Variants in HS3ST2 observed in about 807,000 individuals in gnomAD.
HS3ST2 encodes heparan sulfate-glucosamine 3-sulfotransferase 2.
HS3ST2 carries 17 observed loss-of-function variants against 26.3 expected under a neutral mutation model. The observed-to-expected ratio is 0.65, with a 90% CI of 0.44 to 0.97. The LOEUF (loss-of-function observed/expected upper bound fraction) is 0.97. Among genes scored for constraint, HS3ST2 ranks in the 50% least tolerant of loss-of-function variants. The pLI, the probability that HS3ST2 is intolerant of heterozygous loss-of-function variation, is 0.00. For missense variants in HS3ST2, 402 were observed against 501.2 expected (o/e 0.80, Z 1.89); for synonymous variants, 237 against 219.2 (o/e 1.08, Z -0.72).
intron 1 of HS3ST2, among the ~76,000 whole-genome samples, chr16:22,815,469 T>G (rs1900850897): frequency 6.6e-6 from 1 of 152,172 alleles, no homozygotes; most frequent in Non-Finnish European, 1.5e-5. Context: ...CTGTAGGTCT[T>G]TGCTGGTACC....
chr16:22,822,652 G>T (rs1901011999), intron 1 of HS3ST2, among the ~76,000 whole-genome samples: 1 of 152,080 alleles, frequency 6.6e-6, no homozygotes, highest in Non-Finnish European at 1.5e-5. Flanking sequence ...TCAGGAGTTT[G>T]AGACCAGCCT....
At chr16:22,855,884 T>C (rs1434218750) in intron 1 of HS3ST2, among the ~76,000 whole-genome samples, 1 of 152,166 alleles carries the variant, frequency 6.6e-6, no homozygotes, top group Admixed American at 6.5e-5. Flanking sequence ...TTGGCTCTGA[T>C]TGGGTCACCT....
Position 22,915,742 on chromosome 16 carries a change from A to G in HS3ST2, c.*180A>G. 1.5e-6 allele frequency: 1 copy of G among 647,898 alleles called. No individual in the cohort carries two copies. The highest frequency in any genetic ancestry group is 2.8e-5 in the East Asian group (1 of 36,092). The allele number at this position is 647,898 out of a possible 1,614,324, so 40.1% of individuals were successfully genotyped here. On this transcript the variant is annotated 3_prime_UTR_variant, in exon 2 of 2. Transcript: ENST00000261374. ...GCCAAGAGACCAGAGAGTCCCTGCCACTAGTTTTCATCAGTCTGTTCAAGC... is the reference window on the plus strand; with the variant it reads ...GCCAAGAGACCAGAGAGTCCCTGCCGCTAGTTTTCATCAGTCTGTTCAAGC...
chr16:22,866,362 T>G (rs1901750820), intron 1 of HS3ST2, among the ~76,000 whole-genome samples: 2 of 120,134 alleles, frequency 1.7e-5, no homozygotes, highest in African/African-American at 6.4e-5. Context: ...TTTGACAATA[T>G]GGTGTGCGTG....
At chr16:22,910,785 T>C (rs1902415743) in intron 1 of HS3ST2, among the ~76,000 whole-genome samples, 1 of 152,132 alleles carries the variant, frequency 6.6e-6, no homozygotes, top group Non-Finnish European at 1.5e-5. Context: ...TGGGTGGGTT[T>C]GCAGGAAAGG....
chr16:22,831,846 G>A (rs1045697944), intron 1 of HS3ST2, among the ~76,000 whole-genome samples: 2 of 152,160 alleles, frequency 1.3e-5, no homozygotes, highest in African/African-American at 2.4e-5. Flanking sequence ...TGGGTGCTCT[G>A]TAGGGACACC....
intron 1 of HS3ST2, among the ~76,000 whole-genome samples, chr16:22,896,189 C>T (rs1235317105): frequency 2.0e-5 from 3 of 152,158 alleles, no homozygotes; most frequent in Non-Finnish European, 4.4e-5. Context: ...TGTTTAACCC[C>T]ATCACTGTCC....
At chr16:22,849,074 T>C (rs1326844450) in intron 1 of HS3ST2, among the ~76,000 whole-genome samples, 3 of 152,196 alleles carry the variant, frequency 2.0e-5, no homozygotes, top group Admixed American at 6.5e-5. Flanking sequence ...GCCTTGTTTT[T>C]CGCATCTAAG....
intron 1 of HS3ST2, among the ~76,000 whole-genome samples, chr16:22,845,949 C>T (rs1901425138): frequency 6.6e-6 from 1 of 152,178 alleles, no homozygotes; most frequent in Non-Finnish European, 1.5e-5. Context: ...CAGCATTAAG[C>T]CAAGAGGCCC....
intron 1 of HS3ST2, among the ~76,000 whole-genome samples, chr16:22,885,848 C>T (rs986884479): frequency 4.6e-5 from 7 of 152,086 alleles, no homozygotes; most frequent in Non-Finnish European, 8.8e-5. Context: ...CCCGGTCCAC[C>T]CACTGTGGTC....
chr16:22,886,986 A>G (rs1902069258), intron 1 of HS3ST2, among the ~76,000 whole-genome samples: 1 of 152,146 alleles, frequency 6.6e-6, no homozygotes, highest in Non-Finnish European at 1.5e-5. Context: ...TCCTGACCTC[A>G]AGTGATCCTC....
intron 1 of HS3ST2, among the ~76,000 whole-genome samples, chr16:22,876,857 T>C (rs972193403): frequency 1.3e-5 from 2 of 152,162 alleles, no homozygotes; most frequent in African/African-American, 2.4e-5. Context: ...AAGGCCATTA[T>C]TCTAAATGAA....
chr16:22,905,424 G>T (rs1328814423), intron 1 of HS3ST2, among the ~76,000 whole-genome samples: 18 of 141,670 alleles, frequency 1.3e-4, no homozygotes, highest in South Asian at 6.8e-4. Flanking sequence ...TTTTGTGTTT[G>T]TTTTTTTTTT....
At chr16:22,891,785 A>G (rs1234139495) in intron 1 of HS3ST2, among the ~76,000 whole-genome samples, 2 of 151,992 alleles carry the variant, frequency 1.3e-5, no homozygotes, top group African/African-American at 2.4e-5. Flanking sequence ...TGTATCATGC[A>G]GTATATTCTA....
intron 1 of HS3ST2, among the ~76,000 whole-genome samples, chr16:22,878,516 G>T (rs1342157958): frequency 2.6e-5 from 4 of 152,158 alleles, no homozygotes; most frequent in African/African-American, 9.7e-5. Context: ...GGTCTGTGAT[G>T]CAGGGTTAGT....
At chr16:22,827,160 C>T (rs548664569) in intron 1 of HS3ST2, among the ~76,000 whole-genome samples, 12 of 152,190 alleles carry the variant, frequency 7.9e-5, no homozygotes, top group South Asian at 4.2e-4. Flanking sequence ...AAGCAGCACA[C>T]GTGCAAAGGC....
At chr16:22,857,108 C>T (rs994965736) in intron 1 of HS3ST2, among the ~76,000 whole-genome samples, 2 of 152,002 alleles carry the variant, frequency 1.3e-5, no homozygotes, top group African/African-American at 2.4e-5. Flanking sequence ...ATGAGAAAAG[C>T]GAGGTTCAGA....
chr16:22,845,161 T>C (rs1158782616), intron 1 of HS3ST2, among the ~76,000 whole-genome samples: 1 of 146,304 alleles, frequency 6.8e-6, no homozygotes, highest in Middle Eastern at 3.3e-3. Flanking sequence ...GCCTAAATCT[T>C]TTTTCTTGGT....
chr16:22,827,877 T>C (rs1216596461), intron 1 of HS3ST2, among the ~76,000 whole-genome samples: 2 of 151,720 alleles, frequency 1.3e-5, no homozygotes, highest in Admixed American at 1.3e-4. Context: ...GCCCGGCTAA[T>C]TTTTGTATTT....
Sources: allele counts gnomAD v4.1 joint callset (sites outside exome capture counted in the v4.1 genomes callset), GRCh38; gene constraint gnomAD v4.1.1; transcripts MANE v1.5; gene names NCBI Gene and HGNC (gene_info 2026-07-23, HGNC 2026-07-21).